The following ZNF423 variants were observed in gnomAD, a reference collection of about 807,000 sequenced individuals.
The protein encoded by ZNF423 is Ebf-associated zinc finger protein.
ZNF423 carries 12 observed loss-of-function variants against 95.8 expected under a neutral mutation model. That is an observed-to-expected ratio of 0.13 (90% CI 0.08 to 0.20). The LOEUF (loss-of-function observed/expected upper bound fraction) is 0.20. Ranked by LOEUF, ZNF423 falls within the 10% of genes least tolerant of loss-of-function variation. The pLI is 1.00. For synonymous variants in ZNF423, 749 were observed against 711.9 expected, an observed-to-expected ratio of 1.05 and a Z score of -0.83; for missense variants, 1,316 against 1,737.1, an observed-to-expected ratio of 0.76 and a Z score of 4.31.
At chr16:49,833,613 A>C (rs1050512862) in intron 1 of ZNF423, among the ~76,000 whole-genome samples, 2 of 138,532 alleles carry the variant, frequency 1.4e-5, no homozygotes, top group Admixed American at 7.3e-5. Context: ...CCCCTCCTTT[A>C]TTCGGCAAGA....
intron 5 of ZNF423, among the ~76,000 whole-genome samples, chr16:49,573,146 T>C (rs1222997830): frequency 6.6e-6 from 1 of 152,020 alleles, no homozygotes; most frequent in East Asian, 1.9e-4. Context: ...TGATGGAAGG[T>C]AGAAGTGGGT....
chr16:49,785,592 T>C (rs1398603706), intron 2 of ZNF423, among the ~76,000 whole-genome samples: 1 of 152,256 alleles, frequency 6.6e-6, no homozygotes, highest in Non-Finnish European at 1.5e-5. Context: ...AATCCAGCTT[T>C]CTGGCTTTTC....
At chr16:49,738,449 T>C (rs915812110) in intron 2 of ZNF423, among the ~76,000 whole-genome samples, 29 of 152,264 alleles carry the variant, frequency 1.9e-4, no homozygotes, top group African/African-American at 6.5e-4. Context: ...GAGCCTCTGA[T>C]TCCTCATAGG....
chr16:49,683,854 G>A (rs2031462981), intron 3 of ZNF423, among the ~76,000 whole-genome samples: 1 of 152,206 alleles, frequency 6.6e-6, no homozygotes, highest in South Asian at 2.1e-4. Context: ...GAGGCAGGCA[G>A]ATCGCTTGAG....
In ZNF423 at chr16:49,637,455, G is replaced by A. The variant is rs369783460; in HGVS notation, c.1721C>T (p.Pro574Leu). The A allele has an allele frequency of 3.8e-5, 61 of 1,613,976 alleles. No individual in the cohort carries two copies. The highest frequency in any genetic ancestry group is 5.0e-5 in the Non-Finnish European group (59 of 1,180,046). ...AAAGATGGGGGAGTTGGTGCAGTAG[G>A]GGCAGGAATAGACCTCCATGAAGGA... Reference protein sequence around the residue: ...TQSFMEVYSCPYCTNSPIFGS... With the variant: ...TQSFMEVYSCLYCTNSPIFGS... Residue 574 changes from proline (P) to leucine (L), a missense_variant, in exon 4 of 8, where the codon CCC becomes CTC. Pro to Leu is a moderately conservative substitution (Grantham distance 98). Coordinates refer to ENST00000563137, the MANE Select transcript of ZNF423 (RefSeq NM_001379286.1). The surrounding 1 kb of genome is among the most constrained non-coding windows in gnomAD (Gnocchi z 5.6).
chr16:49,812,626 G>C (rs1374697948), intron 1 of ZNF423, among the ~76,000 whole-genome samples: 1 of 152,212 alleles, frequency 6.6e-6, no homozygotes, highest in African/African-American at 2.4e-5. Flanking sequence ...GTTGTAGTGA[G>C]CTGTGATTGT....
rs539852037 is a variant in ZNF423 at position 49,637,978 on chromosome 16, G to T, written c.1198C>A (p.Arg400=). The change falls in exon 4 of 8, where the codon CGG becomes AGG. Residue 400 remains arginine (R), a synonymous_variant. Transcript: ENST00000563137. The surrounding 1 kb of genome is among the most constrained non-coding windows in gnomAD (Gnocchi z 5.6). ...TCATCCCGCATCTTCTTCTGCCCCC[G>T]CAGCGGCTTCAAGGTGGAGTCCGGG... ...STPDSTLKPL[R]GQKKMRDDGQ... The T allele has an allele frequency of 2.5e-6, 4 of 1,613,976 alleles. No individual in the cohort carries two copies. Among genetic ancestry groups the T allele is most frequent in the Middle Eastern group, 1.6e-4 (1 of 6,084 alleles).
At chr16:49,721,329 C>T (rs989123695) in intron 3 of ZNF423, among the ~76,000 whole-genome samples, 3 of 152,178 alleles carry the variant, frequency 2.0e-5, no homozygotes, top group African/African-American at 7.2e-5. Context: ...TGAATGAACA[C>T]CCATGCACAG....
At chr16:49,749,971 C>G (rs1367558887) in intron 2 of ZNF423, among the ~76,000 whole-genome samples, 1 of 152,220 alleles carries the variant, frequency 6.6e-6, no homozygotes, top group Non-Finnish European at 1.5e-5. Flanking sequence ...CTCCCCACAT[C>G]CCAGTCCATC....
At chr16:49,513,120 T>C (rs1967965900) in intron 7 of ZNF423, among the ~76,000 whole-genome samples, 1 of 151,994 alleles carries the variant, frequency 6.6e-6, no homozygotes. Context: ...AAGAAAATAA[T>C]GGGGATTGGG....
chr16:49,815,914 A>ATATATTTTT (rs1445194160), intron 1 of ZNF423, among the ~76,000 whole-genome samples: 1 of 29,798 alleles, frequency 3.4e-5, no homozygotes, highest in Non-Finnish European at 5.7e-5. Context: ...ATATATATAT[A>ATATATTTTT]TTTTTTTTTT....
intron 6 of ZNF423, 34 bp from the exon 7 acceptor site, chr16:49,523,773 A>C: frequency 6.3e-7 from 1 of 1,582,120 alleles, no homozygotes; most frequent in Non-Finnish European, 8.6e-7. Flanking sequence ...GGCCAAGCTC[A>C]GGACACCAGC....
intron 3 of ZNF423, among the ~76,000 whole-genome samples, chr16:49,700,664 CAAT>C (rs1405208823): frequency 1.3e-5 from 2 of 152,222 alleles, no homozygotes; most frequent in African/African-American, 4.8e-5. Flanking sequence ...AACCTTGAAT[CAAT>C]GATGCAATTG....
chr16:49,531,034 C>T (rs987051801), intron 5 of ZNF423, among the ~76,000 whole-genome samples: 1 of 152,212 alleles, frequency 6.6e-6, no homozygotes, highest in Admixed American at 6.5e-5. Context: ...GGGGTCCCCT[C>T]GCCAGCACAA....
chr16:49,494,135 G>A (rs1388848286), intron 7 of ZNF423, among the ~76,000 whole-genome samples: 1 of 152,138 alleles, frequency 6.6e-6, no homozygotes, highest in African/African-American at 2.4e-5. Context: ...GATGAAGGCT[G>A]GAACCCACAC....
intron 1 of ZNF423, among the ~76,000 whole-genome samples, chr16:49,793,272 A>T (rs574777457): frequency 8.5e-5 from 13 of 152,296 alleles, no homozygotes; most frequent in African/African-American, 2.9e-4. Context: ...AGCTGGGGAC[A>T]GGTGGCCCCA....
At chr16:49,792,524 C>T (rs1235290271) in intron 1 of ZNF423, among the ~76,000 whole-genome samples, 2 of 152,216 alleles carry the variant, frequency 1.3e-5, no homozygotes, top group East Asian at 1.9e-4. Context: ...TCCCTCACTG[C>T]AAGCAGCCGC....
chr16:49,701,612 G>T (rs935865474), intron 3 of ZNF423, among the ~76,000 whole-genome samples: 12 of 152,086 alleles, frequency 7.9e-5, no homozygotes, highest in Non-Finnish European at 7.3e-5. Context: ...CACGGCAGAG[G>T]TGTTTTCAAT....
intron 2 of ZNF423, among the ~76,000 whole-genome samples, chr16:49,740,466 A>T (rs1003589383): frequency 1.3e-5 from 2 of 152,254 alleles, no homozygotes; most frequent in Non-Finnish European, 2.9e-5. Context: ...AAAGGCAGCC[A>T]TTATTTATCT....
Sources: allele counts gnomAD v4.1 joint callset (sites outside exome capture counted in the v4.1 genomes callset), GRCh38; gene constraint gnomAD v4.1.1; non-coding constraint Gnocchi (gnomAD v3.1); transcripts MANE v1.5; gene names NCBI Gene and HGNC (gene_info 2026-07-23, HGNC 2026-07-21).